The following TYW1B variants were observed in gnomAD, a reference collection of about 807,000 sequenced individuals.
The protein encoded by TYW1B is tRNA-yW synthesizing protein 1 homolog B.
Under a neutral mutation model 86.9 loss-of-function variants are expected in TYW1B, and 73 were observed. The observed-to-expected ratio is 0.84, with a 90% confidence interval of 0.70 to 1.02. The LOEUF is 1.02. Ranked by LOEUF, TYW1B falls within the 50% of genes least tolerant of loss-of-function variation. The pLI is 0.00. For missense variants in TYW1B, 637 were observed against 827.4 expected, an observed-to-expected ratio of 0.77 and a Z score of 2.82; for synonymous variants, 248 against 292.8, an observed-to-expected ratio of 0.85 and a Z score of 1.56.
At chr7:72,682,614 T>G (rs1813902668) in intron 11 of TYW1B, among the ~76,000 whole-genome samples, 1 of 152,170 alleles carries the variant, frequency 6.6e-6, no homozygotes, top group Non-Finnish European at 1.5e-5. Flanking sequence ...AGCAAGAAAG[T>G]TGCTTGGAAG....
chr7:72,787,462 CA>C (rs11314409), intron 6 of TYW1B, among the ~76,000 whole-genome samples: 1 of 146,190 alleles, frequency 6.8e-6, no homozygotes, highest in Admixed American at 6.8e-5. Context: ...GACTCCATCT[CA>C]AAAAAAAAAT....
intron 10 of TYW1B, among the ~76,000 whole-genome samples, chr7:72,703,009 TATATATATATA>T (rs1585914770): frequency 3.3e-5 from 1 of 30,344 alleles, no homozygotes; most frequent in East Asian, 5.3e-4. Flanking sequence ...TATATATATA[TATATATATATA>T]TATATATTTT....
At chr7:72,790,773 A>G (rs1554473239) in intron 6 of TYW1B, among the ~76,000 whole-genome samples, 1 of 152,186 alleles carries the variant, frequency 6.6e-6, no homozygotes, top group African/African-American at 2.4e-5. Context: ...TTCCTGCAGA[A>G]CTGCCTGGCT....
chr7:72,586,633 A>C (rs2129567727), intron 13 of TYW1B, among the ~76,000 whole-genome samples: 1 of 152,224 alleles, frequency 6.6e-6, no homozygotes. Context: ...GCTACGTAGG[A>C]GGCTGAGGCA....
At chr7:72,692,226 A>G (rs1479485464) in intron 11 of TYW1B, among the ~76,000 whole-genome samples, 246 of 150,908 alleles carry the variant, frequency 1.6e-3, no homozygotes, top group African/African-American at 4.8e-3. Flanking sequence ...AAAAAAAAAA[A>G]AAGAAGAAAG....
At chr7:72,712,955 T>C (rs1220850841) in intron 10 of TYW1B, among the ~76,000 whole-genome samples, 1 of 152,070 alleles carries the variant, frequency 6.6e-6, no homozygotes, top group African/African-American at 2.4e-5. Flanking sequence ...AAGTTCCTTA[T>C]TAACAACAAT....
Position 72,806,670 on chromosome 7 carries a change from G to A in TYW1B, c.723+396C>T, listed in dbSNP as rs532089755. 5.5e-3 allele frequency among the ~76,000 whole-genome samples: 830 copies of A among 150,638 alleles called. 8 individuals carry two copies. Among genetic ancestry groups the A allele is most frequent in the African/African-American group, 0.019 (773 of 40,994 alleles). The stretch of plus-strand genomic sequence containing the variant: ...GTTATTTTTTCTGTCTTTGTTTTTG[G>A]GGCAGGGTCTCACTCTGCTGCCCAG... On this transcript the variant is annotated intron_variant, in intron 5 of 13. Coordinates refer to ENST00000620995, the MANE Select transcript of TYW1B (RefSeq NM_001145440.3).
At chr7:72,643,114 A>C (rs1812841051) in intron 11 of TYW1B, among the ~76,000 whole-genome samples, 1 of 152,204 alleles carries the variant, frequency 6.6e-6, no homozygotes, top group African/African-American at 2.4e-5. Flanking sequence ...TAAAATGGAA[A>C]GGATGAGCAT....
At chr7:72,634,067 T>C (rs560101238) in intron 11 of TYW1B, among the ~76,000 whole-genome samples, 15 of 152,266 alleles carry the variant, frequency 9.9e-5, no homozygotes, top group South Asian at 2.1e-4. Context: ...TATGGCCACA[T>C]TGTATGAACA....
At chr7:72,715,495 T>C (rs1554455711) in intron 9 of TYW1B, among the ~76,000 whole-genome samples, 3 of 152,150 alleles carry the variant, frequency 2.0e-5, no homozygotes, top group South Asian at 2.1e-4. Flanking sequence ...ACAGAGAATG[T>C]GAAAGACTCG....
chr7:72,683,881 G>A (rs1813943774), intron 11 of TYW1B, among the ~76,000 whole-genome samples: 1 of 152,136 alleles, frequency 6.6e-6, no homozygotes, highest in African/African-American at 2.4e-5. Flanking sequence ...TGTAAACAGA[G>A]ATCAAAATCC....
chr7:72,695,978 T>A (rs1287341283), intron 10 of TYW1B, among the ~76,000 whole-genome samples: 1 of 142,812 alleles, frequency 7.0e-6, no homozygotes, highest in African/African-American at 2.6e-5. Flanking sequence ...AGATGGAGTC[T>A]CCCTCTGCCA....
intron 11 of TYW1B, among the ~76,000 whole-genome samples, chr7:72,648,536 C>T (rs1298491614): frequency 3.5e-5 from 5 of 143,214 alleles, no homozygotes; most frequent in Non-Finnish European, 7.5e-5. Context: ...GAGCAAGACT[C>T]TGTCTCAGAA....
intron 11 of TYW1B, among the ~76,000 whole-genome samples, chr7:72,682,664 GA>G (rs1337797657): frequency 6.6e-6 from 1 of 152,142 alleles, no homozygotes; most frequent in Non-Finnish European, 1.5e-5. Context: ...TGAACAAATT[GA>G]AAAATCAACA....
intron 9 of TYW1B, among the ~76,000 whole-genome samples, chr7:72,728,437 G>C (rs1284666175): frequency 1.3e-5 from 2 of 152,080 alleles, no homozygotes; most frequent in Non-Finnish European, 2.9e-5. Context: ...CTCCCAAGTA[G>C]CTGGGATTAC....
intron 11 of TYW1B, among the ~76,000 whole-genome samples, chr7:72,634,355 T>TC (rs1554440454): frequency 7.0e-6 from 1 of 142,236 alleles, no homozygotes; most frequent in East Asian, 2.0e-4. Flanking sequence ...TTTTTTTTTT[T>TC]CTTTTTTTTT....
intron 11 of TYW1B, among the ~76,000 whole-genome samples, chr7:72,629,440 T>G (rs1374930827): frequency 6.6e-6 from 1 of 152,232 alleles, no homozygotes; most frequent in African/African-American, 2.4e-5. Context: ...CCCTCATTAT[T>G]TAATGATCTC....
At chr7:72,724,293 G>A (rs1252578060) in intron 9 of TYW1B, among the ~76,000 whole-genome samples, 4 of 152,082 alleles carry the variant, frequency 2.6e-5, no homozygotes, top group Non-Finnish European at 4.4e-5. Context: ...GCAATATAGG[G>A]AGAACCCATC....
At chr7:72,620,543 T>C (rs1299801793) in intron 12 of TYW1B, among the ~76,000 whole-genome samples, 1 of 152,146 alleles carries the variant, frequency 6.6e-6, no homozygotes, top group Non-Finnish European at 1.5e-5. Flanking sequence ...TGACTTAGAC[T>C]GGGGGTCACC....
Sources: gnomAD v4.1 joint callset for allele counts (sites outside exome capture counted in the v4.1 genomes callset) on GRCh38, gnomAD v4.1.1 for gene constraint, MANE v1.5 for transcripts, NCBI Gene and HGNC (gene_info 2026-07-23, HGNC 2026-07-21) for gene names.